Variants in CYB561 observed in about 807,000 individuals in gnomAD.
The protein encoded by CYB561 is cytochrome b561.
Under a neutral mutation model 25.3 loss-of-function variants are expected in CYB561, and 11 were observed. The ratio of observed to expected loss-of-function variants is 0.44; its 90% CI spans 0.27 to 0.72. The LOEUF is 0.72. CYB561 is among the 30% of genes least tolerant of loss of function. The pLI is 0.18. For missense variants in CYB561, 295 were observed against 334.9 expected (o/e 0.88, Z 0.93); for synonymous variants, 165 against 158.8 (o/e 1.04, Z -0.29).
At chr17:63,435,929 G>A (rs2049293817) in intron 3 of CYB561, 125 bp downstream of exon 3, 2 of 1,590,582 alleles carry the variant, frequency 1.3e-6, no homozygotes, top group Non-Finnish European at 1.7e-6. Flanking sequence ...TGGCCCTGCA[G>A]GGGATGTTTG....
chr17:63,445,459 G>A (rs1296767790), intron 1 of CYB561, among the ~76,000 whole-genome samples: 1 of 151,110 alleles, frequency 6.6e-6, no homozygotes, highest in Admixed American at 6.6e-5. Flanking sequence ...CATTTACGGA[G>A]TCAGAAAATC....
chr17:63,435,378 G>A, intron 4 of CYB561, 135 bp from the exon 5 acceptor site: 1 of 939,572 alleles, frequency 1.1e-6, no homozygotes, highest in Non-Finnish European at 1.6e-6. Flanking sequence ...TTCCTCCTCA[G>A]CACAGTGGTG....
rs1017152360 is a variant in CYB561, at chr17:63,435,768, G to A, written c.325C>T (p.His109Tyr). 1.2e-6 allele frequency: 2 copies of A among 1,614,186 alleles called. No individual in the cohort carries two copies. Among genetic ancestry groups the A allele is most frequent in the South Asian group, 1.1e-5 (1 of 91,084 alleles). ...AGGTCAGCGTAGCCCTTCTTCCTGT[G>A]GTAGTCGAACACCGCCACCAAGCCT... Reference protein sequence around the residue: ...LVGLVAVFDYHRKKGYADLYS... With the variant: ...LVGLVAVFDYYRKKGYADLYS... Residue 109 changes from histidine (H) to tyrosine (Y), a missense_variant, in exon 4 of 6, where the codon CAC (histidine) becomes TAC (tyrosine). Coordinates refer to ENST00000360793, the MANE Select transcript of CYB561 (RefSeq NM_001915.4).
Position 63,435,094 on chromosome 17 carries a change from G to A in CYB561, c.555C>T (p.Phe185=). 6.2e-7 allele frequency: 1 copy of A among 1,613,474 alleles called. No individual in the cohort carries two copies. Among genetic ancestry groups the A allele is most frequent in the Non-Finnish European group, 8.5e-7 (1 of 1,179,708 alleles). ...ALLGLKEALL[F]NLGGKYSAFE... is the part of the protein sequence containing the mutation. ...CCACCCAGGACACTCACCCGAGGTT[G>A]AACAGCAGTGCCTCCTTCAGGCCCA... The change falls in exon 5 of 6, where the codon TTC becomes TTT. Residue 185 remains phenylalanine, a synonymous_variant. Transcript: ENST00000360793.
chr17:63,441,596 A>T (rs2049375995), intron 1 of CYB561, among the ~76,000 whole-genome samples: 1 of 152,240 alleles, frequency 6.6e-6, no homozygotes, highest in South Asian at 2.1e-4. Flanking sequence ...TGGGCCTCCA[A>T]GACCCGTCCC....
At chr17:63,437,981 C>T in intron 1 of CYB561, 1 of 774,044 alleles carries the variant, frequency 1.3e-6, no homozygotes, top group Non-Finnish European at 1.9e-6. Flanking sequence ...CCCCGCCACC[C>T]TCCCCCGAGG....
chr17:63,439,072 G>GGGAC (rs2049348491), intron 1 of CYB561: 1 of 152,346 alleles, frequency 6.6e-6, no homozygotes, highest in African/African-American at 2.4e-5. Context: ...CAGAACTAGG[G>GGGAC]GGACAGTGGC....
At chr17:63,442,580 G>A (rs538348981) in intron 1 of CYB561, among the ~76,000 whole-genome samples, 2 of 152,264 alleles carry the variant, frequency 1.3e-5, no homozygotes, top group African/African-American at 4.8e-5. Context: ...AGGCCTGGAA[G>A]CTGCCACTCC....
rs1380412189 is a variant in CYB561 at position 63,434,602 on chromosome 17, G to T, written c.564-8C>A. 3 of 1,602,494 alleles carry T rather than the reference G, an allele frequency of 1.9e-6. No individual in the cohort carries two copies. Among genetic ancestry groups the T allele is most frequent in the Non-Finnish European group, 2.6e-6 (3 of 1,176,112 alleles). On this transcript the variant is annotated splice_region_variant and splice_polypyrimidine_tract_variant and intron_variant, in intron 5 of 5. Transcript: ENST00000360793. ...AATGCGCTATACTTGCCCCTGCAGG[G>T]GTGAGAGGAAGGGAGAAGCTGCCCA...
At chr17:63,439,606 T>A (rs2049354879) in intron 1 of CYB561, among the ~76,000 whole-genome samples, 1 of 152,036 alleles carries the variant, frequency 6.6e-6, no homozygotes, top group Non-Finnish European at 1.5e-5. Flanking sequence ...TGCAGTAGAA[T>A]ATGGATCAGC....
At position 63,438,009 on chromosome 17, in the gene CYB561, GCT is replaced by G. The variant is rs2049331443; in HGVS notation, c.-13-451_-13-450del. The G allele has an allele frequency of 1.1e-5, 10 of 931,420 alleles. No individual in the cohort carries two copies. The East Asian group carries it at 7.4e-4, about 69-fold the overall frequency. 57.7% of individuals were successfully genotyped at this position (931,420 alleles called of 1,614,324 possible). On this transcript the variant is annotated intron_variant, in intron 1 of 5. Transcript: ENST00000360793. The stretch of plus-strand genomic sequence containing the variant: ...CCCCGAGGCTCCCGCTGGAAGCAGC[GCT>G]CGCTCTCCTACCCGCAAGCCCCTTC...
chr17:63,435,034 G>A, intron 5 of CYB561, 52 bp downstream of exon 5: 1 of 1,552,004 alleles, frequency 6.4e-7, no homozygotes, highest in African/African-American at 1.4e-5. Flanking sequence ...GGCAGGGTGA[G>A]GTCTGTGCAA....
chr17:63,434,902 T>TAACC (rs2049277179), intron 5 of CYB561, among the ~76,000 whole-genome samples, 184 bp downstream of exon 5: 1 of 152,030 alleles, frequency 6.6e-6, no homozygotes. Context: ...TTTGAAAGGG[T>TAACC]AAAATCAAGA....
chr17:63,446,123 G>GCGAGGC, intron 1 of CYB561, 122 bp downstream of exon 1: 1 of 152,322 alleles, frequency 6.6e-6, no homozygotes, highest in East Asian at 1.9e-4. Flanking sequence ...AGGGGCAGGT[G>GCGAGGC]CGAGGCCGGC....
chr17:63,446,639 G>C (rs1025037980), upstream of CYB561, among the ~76,000 whole-genome samples: 1 of 152,166 alleles, frequency 6.6e-6, no homozygotes, highest in African/African-American at 2.4e-5. Flanking sequence ...GACTGCGCAC[G>C]GAAGGACCTG....
intron 1 of CYB561, among the ~76,000 whole-genome samples, chr17:63,440,574 G>A (rs1445789793): frequency 6.6e-6 from 1 of 152,130 alleles, no homozygotes; most frequent in African/African-American, 2.4e-5. Flanking sequence ...CACTGTTCCT[G>A]CTAGGCCCTC....
chr17:63,439,238 G>C (rs1342115328), intron 1 of CYB561: 1 of 152,318 alleles, frequency 6.6e-6, no homozygotes. Context: ...ACCATTAAAG[G>C]GGGGGTGTGT....
chr17:63,437,081 T>G (rs553755628), intron 2 of CYB561: 50 of 526,814 alleles, frequency 9.5e-5, no homozygotes, highest in East Asian at 8.9e-4. Flanking sequence ...TTCCCTCTGC[T>G]GCAAGAAGTG....
chr17:63,435,501 C>A, intron 4 of CYB561, 187 bp downstream of exon 4: 2 of 691,150 alleles, frequency 2.9e-6, no homozygotes, highest in East Asian at 5.4e-5. Context: ...CATGGGGCGC[C>A]TGGGAGCTGG....
Sources: gnomAD v4.1 joint callset for allele counts (sites outside exome capture counted in the v4.1 genomes callset) on GRCh38, gnomAD v4.1.1 for gene constraint, MANE v1.5 for transcripts, NCBI Gene and HGNC (gene_info 2026-07-23, HGNC 2026-07-21) for gene names.